The following ZNF831 variants were observed in gnomAD, a reference collection of about 807,000 sequenced individuals.
The protein encoded by ZNF831 is zinc finger protein 831.
A neutral mutation model predicts 95.8 loss-of-function variants in ZNF831; 59 were observed. The observed-to-expected ratio is 0.62, with a 90% CI of 0.50 to 0.77. The LOEUF is 0.77. ZNF831 is among the 30% of genes least tolerant of loss of function. The pLI, the probability that ZNF831 is intolerant of heterozygous loss-of-function variation, is 0.00. For missense variants in ZNF831, 2,205 were observed against 2,164.0 expected, an observed-to-expected ratio of 1.02 and a Z score of -0.38; for synonymous variants, 961 against 925.5, an observed-to-expected ratio of 1.04 and a Z score of -0.70.
At chr20:59,248,909 C>A (rs1472574846) in intron 4 of ZNF831, among the ~76,000 whole-genome samples, 1 of 152,054 alleles carries the variant, frequency 6.6e-6, no homozygotes, top group Non-Finnish European at 1.5e-5. Context: ...TTTTTCCCAC[C>A]TCTCCTCACC....
intron 4 of ZNF831, among the ~76,000 whole-genome samples, chr20:59,225,744 C>T (rs574177912): frequency 1.3e-5 from 2 of 152,272 alleles, no homozygotes; most frequent in Admixed American, 6.5e-5. Context: ...ATGGAGTTCA[C>T]CCATCTCATT....
intron 2 of ZNF831, among the ~76,000 whole-genome samples, chr20:59,157,168 A>T (rs1261746032): frequency 1.3e-5 from 2 of 152,206 alleles, no homozygotes; most frequent in African/African-American, 4.8e-5. Flanking sequence ...TAGCTTATTC[A>T]TTCTAACTAT....
chr20:59,198,886 C>A (rs1328878205), intron 3 of ZNF831, among the ~76,000 whole-genome samples: 6 of 152,180 alleles, frequency 3.9e-5, no homozygotes, highest in Admixed American at 3.3e-4. Flanking sequence ...TTGCTCCTCA[C>A]ATGGCTGGCT....
chr20:59,124,422 G>A (rs1479283593), intron 1 of ZNF831, among the ~76,000 whole-genome samples: 1 of 152,152 alleles, frequency 6.6e-6, no homozygotes, highest in Non-Finnish European at 1.5e-5. Context: ...TTGTTTTTGT[G>A]TACCTGATTC....
chr20:59,210,162 G>A (rs1985193465), intron 4 of ZNF831, among the ~76,000 whole-genome samples: 2 of 152,264 alleles, frequency 1.3e-5, no homozygotes, highest in South Asian at 4.1e-4. Context: ...CACATCATCT[G>A]GGCTCTCATT....
chr20:59,193,756 C>T lies in ZNF831; in HGVS notation c.2737C>T (p.Pro913Ser). Residue 913 changes from proline (P) to serine (S), a missense_variant, in exon 2 of 6, where the codon CCC (proline) becomes TCC (serine). Transcript: ENST00000371030. ...CCCACTGCATCCTGCAGCCCCAGCCCCCGCAGAGCACCCCTCGCTGGCCAC... is the reference window on the plus strand; with the variant it reads ...CCCACTGCATCCTGCAGCCCCAGCCTCCGCAGAGCACCCCTCGCTGGCCAC... ...ATPLHPAAPA[P>S]AEHPSLATPP... 2 of 1,608,970 alleles carry T rather than the reference C, an allele frequency of 1.2e-6. No homozygotes were observed. Among genetic ancestry groups the T allele is most frequent in the Non-Finnish European group, 1.7e-6 (2 of 1,177,348 alleles).
At chr20:59,175,370 A>C (rs1400155049) in intron 1 of ZNF831, among the ~76,000 whole-genome samples, 1 of 151,976 alleles carries the variant, frequency 6.6e-6, no homozygotes, top group Non-Finnish European at 1.5e-5. Context: ...GATGATAGGA[A>C]TATTAGACCT....
intron 1 of ZNF831, among the ~76,000 whole-genome samples, chr20:59,143,648 G>C (rs1042821022): frequency 6.6e-6 from 1 of 152,290 alleles, no homozygotes. Context: ...GGGTCCTTCT[G>C]GGGAGGAGGA....
At chr20:59,149,832 C>T (rs1980118433) in intron 2 of ZNF831, among the ~76,000 whole-genome samples, 1 of 152,264 alleles carries the variant, frequency 6.6e-6, no homozygotes, top group Non-Finnish European at 1.5e-5. Context: ...GTGGAATGTT[C>T]CAGCTGGCCG....
chr20:59,256,758 C>G lies in ZNF831; in HGVS notation c.*2015C>G, dbSNP rs1466787954. On this transcript the variant is annotated 3_prime_UTR_variant, in exon 6 of 6. Transcript: ENST00000371030. ...AAGTTTGGGTGGGGACAGTGAGGAA[C>G]TGAAACACAAGCACCTTCCACCAAT... The G allele has an allele frequency of 6.6e-6, 1 of 152,196 alleles. No individual in the cohort carries two copies. The highest frequency in any genetic ancestry group is 1.5e-5 in the Non-Finnish European group (1 of 68,036). The allele number at this position is 152,196 out of a possible 1,614,324, so 9.4% of individuals were successfully genotyped here.
chr20:59,171,985 G>A (rs985532138), intron 1 of ZNF831, among the ~76,000 whole-genome samples: 3 of 152,200 alleles, frequency 2.0e-5, no homozygotes, highest in Non-Finnish European at 4.4e-5. Flanking sequence ...CATAAAGAAA[G>A]ATTTACAGTG....
chr20:59,146,680 G>A (rs908760973), intron 2 of ZNF831: 5 of 152,230 alleles, frequency 3.3e-5, no homozygotes, highest in Admixed American at 2.0e-4. Flanking sequence ...ATTTCCAACC[G>A]GGGCTGCTGG....
upstream of ZNF831, among the ~76,000 whole-genome samples, chr20:59,161,544 G>T (rs144473109): frequency 6.6e-6 from 1 of 152,220 alleles, no homozygotes; most frequent in African/African-American, 2.4e-5. Flanking sequence ...CTCCCAAAGT[G>T]CTGGGATTAC....
intron 4 of ZNF831, among the ~76,000 whole-genome samples, chr20:59,238,531 C>G (rs936256614): frequency 6.6e-6 from 1 of 152,186 alleles, no homozygotes; most frequent in South Asian, 2.1e-4. Context: ...AGCAGCCAGT[C>G]GCCTAGATTG....
chr20:59,135,209 T>C (rs1190636478), intron 1 of ZNF831, among the ~76,000 whole-genome samples: 4 of 152,202 alleles, frequency 2.6e-5, no homozygotes, highest in Non-Finnish European at 5.9e-5. Flanking sequence ...CACCCATTTA[T>C]TATCTCACAA....
chr20:59,216,920 A>G (rs1335988538), intron 4 of ZNF831, among the ~76,000 whole-genome samples: 3 of 151,668 alleles, frequency 2.0e-5, no homozygotes, highest in Non-Finnish European at 2.9e-5. Context: ...TTAGAAGACC[A>G]CTGACAGGTG....
rs756226424 is a variant in ZNF831 at position 59,193,607 on chromosome 20, G to T, written c.2588G>T (p.Gly863Val). The change falls in exon 2 of 6, where the codon GGG (glycine) becomes GTG (valine). Residue 863 changes from glycine to valine, a missense_variant. Gly to Val is a moderately radical substitution (Grantham distance 109). Coordinates refer to ENST00000371030, the MANE Select transcript of ZNF831 (RefSeq NM_178457.3). ...LSSQKQDADPGEVPGGSKESA... is the reference protein window; with the variant it reads ...LSSQKQDADPVEVPGGSKESA... ...TCCCAGAAGCAGGATGCCGATCCCGGGGAGGTGCCAGGGGGCTCAAAGGAG... is the reference window on the plus strand; with the variant it reads ...TCCCAGAAGCAGGATGCCGATCCCGTGGAGGTGCCAGGGGGCTCAAAGGAG... 2 of 1,612,452 alleles carry T rather than the reference G, an allele frequency of 1.2e-6. No individual in the cohort carries two copies. The highest frequency in any genetic ancestry group is 1.7e-6 in the Non-Finnish European group (2 of 1,179,514).
At chr20:59,212,520 T>C (rs1257705685) in intron 4 of ZNF831, among the ~76,000 whole-genome samples, 2 of 152,180 alleles carry the variant, frequency 1.3e-5, no homozygotes, top group Non-Finnish European at 2.9e-5. Flanking sequence ...CCAGGCTGAG[T>C]GTGACTAAGA....
intron 1 of ZNF831, among the ~76,000 whole-genome samples, chr20:59,132,731 A>G (rs1979386295): frequency 6.6e-6 from 1 of 152,190 alleles, no homozygotes. Context: ...ATTAACTTGA[A>G]TCCTCAGCAA....
Sources: gnomAD v4.1 joint callset for allele counts (sites outside exome capture counted in the v4.1 genomes callset) on GRCh38, gnomAD v4.1.1 for gene constraint, MANE v1.5 for transcripts, NCBI Gene and HGNC (gene_info 2026-07-23, HGNC 2026-07-21) for gene names.